The following PPARG variants were observed in gnomAD, a reference collection of about 807,000 sequenced individuals.
PPARG encodes peroxisome proliferator-activated receptor gamma.
PPARG carries 17 observed loss-of-function variants against 39.2 expected under a neutral mutation model. That is an observed-to-expected ratio of 0.43 (90% CI 0.30 to 0.65). PPARG has a LOEUF of 0.65. PPARG is among the 30% of genes least tolerant of loss of function. The pLI, the probability that PPARG is intolerant of heterozygous loss-of-function variation, is 0.13. For missense variants in PPARG, 406 were observed against 585.9 expected, an observed-to-expected ratio of 0.69 and a Z score of 3.17; for synonymous variants, 223 against 215.7, an observed-to-expected ratio of 1.03 and a Z score of -0.30.
chr3:12,427,689 T>C (rs1408952361), intron 7 of PPARG, among the ~76,000 whole-genome samples: 5 of 152,196 alleles, frequency 3.3e-5, no homozygotes, highest in Admixed American at 3.3e-4. Context: ...GACTCAAGTC[T>C]TCAGTTTCCC....
intron 2 of PPARG, among the ~76,000 whole-genome samples, chr3:12,356,510 A>G (rs2048670780): frequency 6.6e-6 from 1 of 152,236 alleles, no homozygotes; most frequent in Admixed American, 6.5e-5. Context: ...TCAATTGCCT[A>G]CAAGGGAATT....
At chr3:12,334,598 A>G (rs1488542333) in intron 2 of PPARG, among the ~76,000 whole-genome samples, 1 of 152,162 alleles carries the variant, frequency 6.6e-6, no homozygotes, top group Non-Finnish European at 1.5e-5. Flanking sequence ...CAAGTTACAT[A>G]GCTTCTGTGA....
At chr3:12,345,701 C>T (rs916851135) in intron 2 of PPARG, among the ~76,000 whole-genome samples, 6 of 152,084 alleles carry the variant, frequency 3.9e-5, no homozygotes, top group Admixed American at 1.3e-4. Flanking sequence ...TTCGTGAGCC[C>T]GTGATTTCAA....
chr3:12,420,543 CAGA>C (rs1354658704), intron 7 of PPARG, among the ~76,000 whole-genome samples: 1 of 152,188 alleles, frequency 6.6e-6, no homozygotes, highest in African/African-American at 2.4e-5. Context: ...TGTGGATTCA[CAGA>C]AGAACTTCAC....
intron 2 of PPARG, among the ~76,000 whole-genome samples, chr3:12,317,890 T>A (rs560351424): frequency 1.2e-3 from 178 of 152,290 alleles, no homozygotes; most frequent in African/African-American, 4.2e-3. Context: ...TACTTAAGGC[T>A]TTGGGTGTAT....
rs558895122 is a variant in PPARG, at chr3:12,303,357, C to T, written c.-82-9023C>T. On this transcript the variant is annotated intron_variant, in intron 1 of 7. Coordinates refer to ENST00000651735, the MANE Select transcript of PPARG (RefSeq NM_138711.6). Reference sequence around the variant, plus strand: ...GATTACAGGCATGCACCACCACACCCGGCTAGTTTTTAAAAGTATTTTTAG... The same window carrying T: ...GATTACAGGCATGCACCACCACACCTGGCTAGTTTTTAAAAGTATTTTTAG... Among the ~76,000 whole-genome samples, 10 of 152,222 alleles carry T rather than the reference C, an allele frequency of 6.6e-5. No individual in the cohort carries two copies. In the South Asian group the frequency reaches 1.0e-3, roughly 16 times the overall value.
At chr3:12,375,919 C>T (rs1234139479) in intron 2 of PPARG, among the ~76,000 whole-genome samples, 1 of 151,764 alleles carries the variant, frequency 6.6e-6, no homozygotes, top group African/African-American at 2.4e-5. Flanking sequence ...CGCGCATTCA[C>T]AGGACCAGTC....
intron 4 of PPARG, among the ~76,000 whole-genome samples, chr3:12,392,105 T>C (rs1395484242): frequency 6.6e-6 from 1 of 152,074 alleles, no homozygotes; most frequent in African/African-American, 2.4e-5. Flanking sequence ...GTGAAACAAA[T>C]TCTGCAGGAA....
chr3:12,302,256 A>T (rs1016168241), intron 1 of PPARG, among the ~76,000 whole-genome samples: 1 of 152,182 alleles, frequency 6.6e-6, no homozygotes, highest in African/African-American at 2.4e-5. Context: ...AGAAGAAGAA[A>T]CAAGAAGGGA....
chr3:12,352,050 T>TA (rs2048505238), intron 2 of PPARG, among the ~76,000 whole-genome samples: 1 of 152,194 alleles, frequency 6.6e-6, no homozygotes, highest in African/African-American at 2.4e-5. Context: ...TCTCATATGT[T>TA]AGAGATCTCT....
intron 5 of PPARG, among the ~76,000 whole-genome samples, chr3:12,405,385 A>G (rs908893518): frequency 3.3e-5 from 5 of 152,202 alleles, no homozygotes; most frequent in Non-Finnish European, 5.9e-5. Flanking sequence ...ATTTCTTTTT[A>G]ACAGAGACAA....
chr3:12,352,817 A>G (rs371886979), intron 2 of PPARG, among the ~76,000 whole-genome samples: 173 of 152,320 alleles, frequency 1.1e-3, no homozygotes, highest in African/African-American at 4.0e-3. Context: ...TATTTCTATC[A>G]TCTAAGCCTC....
At chr3:12,311,351 G>T (rs2124992614) in intron 1 of PPARG, among the ~76,000 whole-genome samples, 1 of 152,274 alleles carries the variant, frequency 6.6e-6, no homozygotes, top group South Asian at 2.1e-4. Flanking sequence ...CAATCCGCCT[G>T]CCTCAGCCTT....
intron 4 of PPARG, among the ~76,000 whole-genome samples, chr3:12,389,360 G>A (rs935242533): frequency 3.9e-5 from 6 of 152,134 alleles, no homozygotes; most frequent in South Asian, 2.1e-4. Flanking sequence ...ATGTGAAGCC[G>A]TAATGCATAA....
At chr3:12,291,878 G>A (rs1344768417) in intron 1 of PPARG, among the ~76,000 whole-genome samples, 1 of 152,134 alleles carries the variant, frequency 6.6e-6, no homozygotes, top group Non-Finnish European at 1.5e-5. Context: ...TCTTTGAAAC[G>A]GAGAAAGTGT....
At chr3:12,395,411 T>A (rs1311648932) in intron 5 of PPARG, among the ~76,000 whole-genome samples, 1 of 152,216 alleles carries the variant, frequency 6.6e-6, no homozygotes, top group South Asian at 2.1e-4. Flanking sequence ...GTTGGTTTGA[T>A]GGTTATGTAG....
At chr3:12,345,286 A>C (rs540348312) in intron 2 of PPARG, among the ~76,000 whole-genome samples, 1 of 152,332 alleles carries the variant, frequency 6.6e-6, no homozygotes, top group Admixed American at 6.5e-5. Context: ...CTGATGTTCA[A>C]ATATTATCAA....
chr3:12,433,888 G>C lies in PPARG; in HGVS notation c.1181-10G>C. 6.2e-7 allele frequency: 1 copy of C among 1,613,964 alleles called. No individual in the cohort carries two copies. ...ACCCCCTGTTGTGTTTTCCATATGT[G>C]CTTCCCCAGACCGCCCAGGTTTGCT... On this transcript the variant is annotated splice_polypyrimidine_tract_variant and intron_variant, in intron 7 of 7. Coordinates refer to ENST00000651735, the MANE Select transcript of PPARG (RefSeq NM_138711.6).
At chr3:12,359,938 G>T (rs1484039319) in intron 2 of PPARG, among the ~76,000 whole-genome samples, 2 of 152,048 alleles carry the variant, frequency 1.3e-5, no homozygotes, top group Non-Finnish European at 2.9e-5. Context: ...TTTTCAAAGT[G>T]CTGGATTGCA....
Sources: gnomAD v4.1 joint callset for allele counts (sites outside exome capture counted in the v4.1 genomes callset) on GRCh38, gnomAD v4.1.1 for gene constraint, MANE v1.5 for transcripts, NCBI Gene and HGNC (gene_info 2026-07-23, HGNC 2026-07-21) for gene names.